GPRIN3: variants seen among roughly 807,000 people sequenced by gnomAD.
The protein encoded by GPRIN3 is GPRIN family member 3.
A neutral mutation model predicts 13.7 loss-of-function variants in GPRIN3; 12 were observed. The ratio of observed to expected loss-of-function variants is 0.87; its 90% CI spans 0.56 to 1.42. GPRIN3 has a LOEUF of 1.42. Among genes scored for constraint, GPRIN3 ranks in the 40% most tolerant of loss-of-function variants. The pLI is 0.00. For synonymous variants in GPRIN3, 377 were observed against 372.7 expected (o/e 1.01, Z -0.13); for missense variants, 1,009 against 958.7 (o/e 1.05, Z -0.69).
intron 1 of GPRIN3, among the ~76,000 whole-genome samples, chr4:89,253,046 T>C (rs1295532390): frequency 1.3e-5 from 2 of 149,742 alleles, no homozygotes; most frequent in Non-Finnish European, 3.0e-5. Context: ...CTCCTACAGG[T>C]TGGTTGGTCG....
At chr4:89,293,943 T>C (rs981166188) in intron 1 of GPRIN3, among the ~76,000 whole-genome samples, 1 of 152,232 alleles carries the variant, frequency 6.6e-6, no homozygotes, top group Admixed American at 6.5e-5. Flanking sequence ...CCTTTCTTTT[T>C]TAAAATTTAT....
chr4:89,254,128 G>GGTGGGTGTGTGTGTGT (rs1553949834), intron 1 of GPRIN3, among the ~76,000 whole-genome samples: 1 of 147,750 alleles, frequency 6.8e-6, no homozygotes, highest in South Asian at 2.2e-4. Context: ...GTTGCATCTG[G>GGTGGGTGTGTGTGTGT]GTGTGTGTGT....
At chr4:89,267,966 AT>A (rs1195657071) in intron 1 of GPRIN3, among the ~76,000 whole-genome samples, 1 of 152,170 alleles carries the variant, frequency 6.6e-6, no homozygotes, top group Admixed American at 6.6e-5. Flanking sequence ...GACTTATCAG[AT>A]TGCGTGATAT....
chr4:89,271,604 A>G (rs914327762), intron 1 of GPRIN3, among the ~76,000 whole-genome samples: 7 of 151,722 alleles, frequency 4.6e-5, no homozygotes, highest in Non-Finnish European at 7.4e-5. Context: ...GCTATTTTTT[A>G]TTGTTTTCTT....
chr4:89,270,565 TTATATATATATATATATATATATA>T (rs1199230242), intron 1 of GPRIN3, among the ~76,000 whole-genome samples: 1 of 82,348 alleles, frequency 1.2e-5, no homozygotes, highest in Admixed American at 1.5e-4. Flanking sequence ...TGTATATAAT[TTATATATATATATATATATATATA>T]TATATATATA....
chr4:89,283,458 AT>A (rs1476218239), intron 1 of GPRIN3, among the ~76,000 whole-genome samples: 1 of 152,198 alleles, frequency 6.6e-6, no homozygotes, highest in Non-Finnish European at 1.5e-5. Context: ...AAGGAAAAAA[AT>A]ACCAGGAACA....
At chr4:89,278,998 GTCC>G (rs1456625949) in intron 1 of GPRIN3, among the ~76,000 whole-genome samples, 1 of 152,172 alleles carries the variant, frequency 6.6e-6, no homozygotes, top group Non-Finnish European at 1.5e-5. Context: ...CAGATACAAA[GTCC>G]TGGGAGAGAG....
At chr4:89,303,333 G>A (rs1202919947) in intron 1 of GPRIN3, among the ~76,000 whole-genome samples, 1 of 152,104 alleles carries the variant, frequency 6.6e-6, no homozygotes, top group African/African-American at 2.4e-5. Flanking sequence ...GCCAACGACT[G>A]TAGTTGCATT....
At chr4:89,258,993 A>T (rs1252032952) in intron 1 of GPRIN3, among the ~76,000 whole-genome samples, 5 of 152,226 alleles carry the variant, frequency 3.3e-5, no homozygotes, top group African/African-American at 4.8e-5. Context: ...TATTCTTAAA[A>T]ATTCGTATTT....
rs1465077536 is a variant in GPRIN3, at chr4:89,248,959, C to A, written c.1152G>T (p.Gln384His). 3 of 1,614,190 alleles carry A rather than the reference C, an allele frequency of 1.9e-6. No individual in the cohort carries two copies. Among genetic ancestry groups the A allele is most frequent in the Non-Finnish European group, 2.5e-6 (3 of 1,180,010 alleles). ...DSTLAPQESS[Q>H]CPGIMPQVHI... is the part of the protein sequence containing the mutation. ...GCACCTGTGGCATGATGCCAGGGCA[C>A]TGGCTGGACTCCTGGGGGGCTAGCG... The change falls in exon 2 of 2, where the codon CAG becomes CAT. Residue 384 changes from glutamine to histidine, a missense_variant. Coordinates refer to ENST00000609438, the MANE Select transcript of GPRIN3 (RefSeq NM_198281.3).
intron 1 of GPRIN3, among the ~76,000 whole-genome samples, chr4:89,282,594 ATTTT>A (rs11306317): frequency 0.011 from 1,502 of 135,598 alleles, 18 homozygotes; most frequent in African/African-American, 0.034. Flanking sequence ...TTTTTTTGCA[ATTTT>A]TTTTTTTTTT....
chr4:89,294,726 T>C (rs568822103), intron 1 of GPRIN3, among the ~76,000 whole-genome samples: 1 of 152,316 alleles, frequency 6.6e-6, no homozygotes, highest in African/African-American at 2.4e-5. Flanking sequence ...CACTGTTATA[T>C]AGAAACTCCA....
intron 1 of GPRIN3, among the ~76,000 whole-genome samples, chr4:89,260,514 T>C (rs1723595306): frequency 6.6e-6 from 1 of 152,172 alleles, no homozygotes; most frequent in Non-Finnish European, 1.5e-5. Context: ...TACATAAAGG[T>C]TTTGCTTTTT....
intron 1 of GPRIN3, among the ~76,000 whole-genome samples, chr4:89,306,115 C>T (rs1725027029): frequency 6.6e-6 from 1 of 151,828 alleles, no homozygotes; most frequent in African/African-American, 2.4e-5. Context: ...ACACACAAAA[C>T]TTGAAAAACT....
chr4:89,252,078 T>C (rs1561186919), intron 1 of GPRIN3, among the ~76,000 whole-genome samples: 1 of 151,888 alleles, frequency 6.6e-6, no homozygotes, highest in African/African-American at 2.4e-5. Flanking sequence ...GCTCAAGCTA[T>C]CTTCCCACCT....
At chr4:89,265,580 A>G (rs1266714280) in intron 1 of GPRIN3, among the ~76,000 whole-genome samples, 1 of 152,232 alleles carries the variant, frequency 6.6e-6, no homozygotes, top group Non-Finnish European at 1.5e-5. Context: ...TTAGGGTAAT[A>G]GTGGCTAGGA....
At chr4:89,290,026 CA>C (rs937800665) in intron 1 of GPRIN3, among the ~76,000 whole-genome samples, 1 of 151,426 alleles carries the variant, frequency 6.6e-6, no homozygotes, top group African/African-American at 2.4e-5. Flanking sequence ...GTTTTTGAGA[CA>C]GGGACTCACT....
In GPRIN3 at chr4:89,240,324, C is replaced by T. The variant is rs997707388; in HGVS notation, c.*7456G>A. On this transcript the variant is annotated 3_prime_UTR_variant, in exon 2 of 2. Coordinates refer to ENST00000609438, the MANE Select transcript of GPRIN3 (RefSeq NM_198281.3). ...CACCCAAGGGTTCATTGCTCATATC[C>T]TATTATCTCACCAACATCATCTGCA... 8 of 152,156 alleles carry T rather than the reference C, an allele frequency of 5.3e-5. No individual in the cohort carries two copies. Among genetic ancestry groups the T allele is most frequent in the African/African-American group, 1.7e-4 (7 of 41,432 alleles). 9.4% of individuals were successfully genotyped at this position (152,156 alleles called of 1,614,324 possible). A position where few individuals can be genotyped will look rare whatever the true frequency, so the allele number is the denominator to read the frequency against.
intron 1 of GPRIN3, among the ~76,000 whole-genome samples, chr4:89,259,485 G>A (rs1397157480): frequency 1.3e-5 from 2 of 152,166 alleles, no homozygotes; most frequent in Non-Finnish European, 2.9e-5. Flanking sequence ...GCTAATAAAA[G>A]TAAACTAGGC....
Sources: gnomAD v4.1 joint callset for allele counts (sites outside exome capture counted in the v4.1 genomes callset) on GRCh38, gnomAD v4.1.1 for gene constraint, MANE v1.5 for transcripts, NCBI Gene and HGNC (gene_info 2026-07-23, HGNC 2026-07-21) for gene names.